DNAJB1: variants seen among roughly 807,000 people sequenced by gnomAD.
The protein encoded by DNAJB1 is dnaJ homolog subfamily B member 1.
A neutral mutation model predicts 24.0 loss-of-function variants in DNAJB1; 14 were observed. The observed-to-expected ratio is 0.58, with a 90% CI of 0.39 to 0.91. The LOEUF (loss-of-function observed/expected upper bound fraction) is 0.91. Among genes scored for constraint, DNAJB1 ranks in the 40% least tolerant of loss-of-function variants. The pLI is 0.00. For missense variants in DNAJB1, 517 were observed against 458.1 expected, an observed-to-expected ratio of 1.13 and a Z score of -1.17; for synonymous variants, 262 against 174.4, an observed-to-expected ratio of 1.50 and a Z score of -3.96.
At chr19:14,529,484 G>C, upstream of DNAJB1, 1 of 692,268 alleles carries the variant, frequency 1.4e-6, no homozygotes, top group East Asian at 2.7e-5. Context: ...GCTAGTCCTA[G>C]TCTTGGTTCG....
At chr19:14,533,843 A>G (rs1444836278), upstream of DNAJB1, 1 of 152,220 alleles carries the variant, frequency 6.6e-6, no homozygotes, top group East Asian at 1.9e-4. Flanking sequence ...TCTTGGGGTC[A>G]GAGCTAGGTC....
At chr19:14,533,958 C>A (rs1374164291), upstream of DNAJB1, 1 of 152,052 alleles carries the variant, frequency 6.6e-6, no homozygotes, top group Non-Finnish European at 1.5e-5. Context: ...ATGAGCCCAG[C>A]AGCAACTGGA....
At position 14,515,793 on chromosome 19, in the gene DNAJB1, T is replaced by C. The variant is rs910692895; in HGVS notation, c.*147A>G. The stretch of plus-strand genomic sequence containing the variant: ...AAGTCTAGTGTGCGACTTTGAAAGA[T>C]TGTAATATATGCTCTGGAAAACATT... On this transcript the variant is annotated 3_prime_UTR_variant, in exon 3 of 3. Coordinates refer to ENST00000254322, the MANE Select transcript of DNAJB1 (RefSeq NM_006145.3). 6.8e-6 allele frequency: 5 copies of C among 739,182 alleles called. No homozygotes were observed. Among genetic ancestry groups the C allele is most frequent in the Admixed American group, 6.3e-5 (2 of 31,590 alleles). The allele number at this position is 739,182 out of a possible 1,614,324, so 45.8% of individuals were successfully genotyped here.
chr19:14,529,719 G>A, upstream of DNAJB1: 3 of 1,614,108 alleles, frequency 1.9e-6, no homozygotes, highest in Non-Finnish European at 2.5e-6. Flanking sequence ...GAGGTAAGAA[G>A]CGAGAAACAG....
intron 2 of DNAJB1, among the ~76,000 whole-genome samples, chr19:14,524,201 A>G (rs2072392774): frequency 6.6e-6 from 1 of 152,172 alleles, no homozygotes; most frequent in African/African-American, 2.4e-5. Context: ...AGAAAATTGC[A>G]TTACTCCTGT....
intron 1 of DNAJB1, among the ~76,000 whole-genome samples, chr19:14,543,095 A>G (rs2073157101): frequency 2.1e-5 from 3 of 145,360 alleles, no homozygotes; most frequent in Admixed American, 7.0e-5. Context: ...TGGGGGTGGG[A>G]AGTTAACACA....
intron 1 of DNAJB1, chr19:14,517,269 C>A (rs1444180268): frequency 1.9e-5 from 10 of 539,604 alleles, no homozygotes; most frequent in Non-Finnish European, 3.3e-5. Context: ...AGGACTCATG[C>A]GGTTAGGTGT....
chr19:14,543,299 G>T (rs1201729828), intron 1 of DNAJB1, among the ~76,000 whole-genome samples: 24 of 123,430 alleles, frequency 1.9e-4, no homozygotes, highest in Admixed American at 1.0e-3. Flanking sequence ...GGGTGGGGTG[G>T]GGGTGTGTGT....
intron 1 of DNAJB1, among the ~76,000 whole-genome samples, chr19:14,548,906 T>A (rs774871376): frequency 6.6e-6 from 1 of 152,136 alleles, no homozygotes. Context: ...GTGATACCAC[T>A]GTGGCAGCCA....
intron 1 of DNAJB1, among the ~76,000 whole-genome samples, chr19:14,547,889 G>A (rs1162537331): frequency 6.7e-6 from 1 of 149,610 alleles, no homozygotes; most frequent in Non-Finnish European, 1.5e-5. Context: ...CTTGGGTCTT[G>A]GGTCTTGGAC....
chr19:14,521,185 C>T (rs565143313), upstream of DNAJB1, among the ~76,000 whole-genome samples: 1 of 152,072 alleles, frequency 6.6e-6, no homozygotes, highest in South Asian at 2.1e-4. Context: ...AGGCCAGGCA[C>T]GGTGACTCAA....
chr19:14,520,143 G>A (rs1306241674), upstream of DNAJB1, among the ~76,000 whole-genome samples: 2 of 152,198 alleles, frequency 1.3e-5, no homozygotes, highest in Non-Finnish European at 2.9e-5. Context: ...GGGCTTTGAA[G>A]TTTATATGAG....
chr19:14,536,653 C>T (rs1239164073), intron 1 of DNAJB1: 1 of 152,196 alleles, frequency 6.6e-6, no homozygotes, highest in Non-Finnish European at 1.5e-5. Flanking sequence ...ATCTTCCCAA[C>T]TCTGTGTTCA....
intron 1 of DNAJB1, among the ~76,000 whole-genome samples, chr19:14,538,575 C>G (rs1252647738): frequency 6.7e-6 from 1 of 150,322 alleles, no homozygotes; most frequent in Non-Finnish European, 1.5e-5. Flanking sequence ...CCTCTGTCAC[C>G]AGGCTGGAGT....
intron 1 of DNAJB1, among the ~76,000 whole-genome samples, chr19:14,536,470 A>G (rs35679991): frequency 0.02 from 3,005 of 152,074 alleles, 85 homozygotes; most frequent in African/African-American, 0.064. Flanking sequence ...GGGTTTCACC[A>G]TATTGGCCAG....
intron 1 of DNAJB1, among the ~76,000 whole-genome samples, chr19:14,538,040 C>T (rs1034069453): frequency 2.0e-5 from 3 of 152,128 alleles, no homozygotes; most frequent in South Asian, 4.1e-4. Flanking sequence ...GCCACTGCGC[C>T]GGCAGTGTGA....
intron 1 of DNAJB1, among the ~76,000 whole-genome samples, chr19:14,535,756 CAAAAAAAAAAAA>C (rs1161257175): frequency 1.9e-5 from 1 of 51,944 alleles, no homozygotes. Context: ...GACTCTGTCT[CAAAAAAAAAAAA>C]AAAAAAAAAG....
In DNAJB1 at chr19:14,518,131, G is replaced by C. The variant is rs749608525; in HGVS notation, c.211+8C>G. 2.6e-6 allele frequency: 4 copies of C among 1,523,146 alleles called. No homozygotes were observed. Among genetic ancestry groups the C allele is most frequent in the Admixed American group, 2.1e-5 (1 of 47,194 alleles). The allele number at this position is 1,523,146 out of a possible 1,614,324, so 94.4% of individuals were successfully genotyped here. On this transcript the variant is annotated splice_region_variant and intron_variant, in intron 1 of 2. Transcript: ENST00000254322. Reference sequence around the variant, plus strand: ...GGCGGGGCCGCGCCCCTGGCCGCGAGCACACACCTTCCTCCCCGTAGCGGT... The same window carrying C: ...GGCGGGGCCGCGCCCCTGGCCGCGACCACACACCTTCCTCCCCGTAGCGGT...
rs544400801 is a variant in DNAJB1 at position 14,547,827 on chromosome 19, CT to C, written c.-214+2380del. ...GGTGCATACCACCTACAGCCGGCTA[CT>C]TTTGTTTTTTTTTGGTAGAAATGGG... is the stretch of plus-strand genomic sequence containing the variant. On this transcript the variant is annotated intron_variant, in intron 1 of 3. Transcript: ENST00000676982. Among the ~76,000 whole-genome samples, 494 of 151,528 alleles carry C rather than the reference CT, an allele frequency of 3.3e-3. 4 individuals carry two copies. Among genetic ancestry groups the C allele is most frequent in the African/African-American group, 0.011 (460 of 41,286 alleles).
Sources: allele counts gnomAD v4.1 joint callset (sites outside exome capture counted in the v4.1 genomes callset), GRCh38; gene constraint gnomAD v4.1.1; transcripts MANE v1.5; gene names NCBI Gene and HGNC (gene_info 2026-07-23, HGNC 2026-07-21).